PITPNM3: variants seen among roughly 807,000 people sequenced by gnomAD.
The protein encoded by PITPNM3 is membrane-associated phosphatidylinositol transfer protein 3.
PITPNM3 carries 26 observed loss-of-function variants against 102.0 expected under a neutral mutation model. That is an observed-to-expected ratio of 0.25 (90% CI 0.19 to 0.35). PITPNM3 has a LOEUF of 0.35. Among genes scored for constraint, PITPNM3 ranks in the 10% least tolerant of loss-of-function variants. PITPNM3 has a pLI of 1.00. For missense variants in PITPNM3, 1,083 were observed against 1,346.1 expected, an observed-to-expected ratio of 0.80 and a Z score of 3.06; for synonymous variants, 578 against 558.6, an observed-to-expected ratio of 1.03 and a Z score of -0.49.
In PITPNM3 at chr17:6,470,239, C is replaced by T; in HGVS notation, c.1773+21G>A. 2 of 1,583,944 alleles carry T rather than the reference C, an allele frequency of 1.3e-6. No homozygotes were observed. The highest frequency in any genetic ancestry group is 1.3e-5 in the African/African-American group (1 of 74,584). On this transcript the variant is annotated intron_variant, in intron 13 of 19. Transcript: ENST00000262483. The surrounding 1 kb of genome is among the most constrained non-coding windows in gnomAD (Gnocchi z 4.8). ...CCCCTTGGGGTGGCTGTGGGCAGGC[C>T]CGCGACTGCGGCAGCAGTACCTGTC...
At chr17:6,476,808 CA>C (rs1371816457) in intron 9 of PITPNM3, among the ~76,000 whole-genome samples, 2 of 152,246 alleles carry the variant, frequency 1.3e-5, no homozygotes, top group Non-Finnish European at 2.9e-5. Flanking sequence ...CAAGTCAGAG[CA>C]GGGCAGGGAC....
At chr17:6,484,180 GAGTT>G in intron 5 of PITPNM3, 32 bp downstream of exon 5, 5 of 1,546,560 alleles carry the variant, frequency 3.2e-6, no homozygotes, top group Non-Finnish European at 4.5e-6. Context: ...CCTGGCCTCT[GAGTT>G]GAGCCCAGAC....
At position 6,451,872 on chromosome 17, in the gene PITPNM3, A is replaced by AACCCC. The variant is rs1567654106; in HGVS notation, c.*3461_*3465dup. The AACCCC allele has an allele frequency of 3.2e-5, 2 of 62,184 alleles. No homozygotes were observed. Among genetic ancestry groups the AACCCC allele is most frequent in the African/African-American group, 1.3e-4 (2 of 15,484 alleles). 3.9% of individuals were successfully genotyped at this position (62,184 alleles called of 1,614,324 possible). On this transcript the variant is annotated 3_prime_UTR_variant, in exon 20 of 20. Coordinates refer to ENST00000262483, the MANE Select transcript of PITPNM3 (RefSeq NM_031220.4). ...AGGTTTCCAGGGCACTTGGCACCCA[A>AACCCC]ACCCCCCCCCCCCGCCCGCCGATGG...
intron 3 of PITPNM3, among the ~76,000 whole-genome samples, chr17:6,523,872 G>A (rs1349865647): frequency 6.6e-6 from 1 of 152,202 alleles, no homozygotes; most frequent in African/African-American, 2.4e-5. Flanking sequence ...GGTTCCTTGA[G>A]CCTGACTTTG....
At chr17:6,505,188 CAAATA>C (rs1008392443) in intron 3 of PITPNM3, among the ~76,000 whole-genome samples, 12 of 85,308 alleles carry the variant, frequency 1.4e-4, no homozygotes, top group African/African-American at 5.1e-4. Flanking sequence ...AAAAAGAAGA[CAAATA>C]AAATATATAT....
chr17:6,527,840 T>C (rs1908919489), intron 2 of PITPNM3, among the ~76,000 whole-genome samples: 1 of 152,224 alleles, frequency 6.6e-6, no homozygotes, highest in Non-Finnish European at 1.5e-5. Context: ...CAGCACATCC[T>C]AGCTTTCTTC....
chr17:6,510,074 C>T (rs1333584832), intron 3 of PITPNM3, among the ~76,000 whole-genome samples: 3 of 152,048 alleles, frequency 2.0e-5, no homozygotes, highest in Non-Finnish European at 2.9e-5. Context: ...TTTTATTCTA[C>T]GTCTTTCCCA....
At position 6,478,862 on chromosome 17, in the gene PITPNM3, AC is replaced by A; in HGVS notation, c.588-127del. On this transcript the variant is annotated intron_variant, in intron 6 of 19. Coordinates refer to ENST00000262483, the MANE Select transcript of PITPNM3 (RefSeq NM_031220.4). The surrounding 1 kb of genome is among the most constrained non-coding windows in gnomAD (Gnocchi z 4.4). Reference sequence around the variant, plus strand: ...TGGGCTCCAGGGACCCTTCAGGAAGACCCAGGCAGGAGCCTGGTGACACAGA... The same window carrying A: ...TGGGCTCCAGGGACCCTTCAGGAAGACCAGGCAGGAGCCTGGTGACACAGA... 2 of 950,626 alleles carry A rather than the reference AC, an allele frequency of 2.1e-6. No homozygotes were observed. The highest frequency in any genetic ancestry group is 3.1e-6 in the Non-Finnish European group (2 of 650,528). The allele number at this position is 950,626 out of a possible 1,614,324, so 58.9% of individuals were successfully genotyped here. A position where few individuals can be genotyped will look rare whatever the true frequency, so the allele number is the denominator to read the frequency against.
chr17:6,497,464 A>C (rs1398927558), intron 4 of PITPNM3, among the ~76,000 whole-genome samples: 1 of 152,144 alleles, frequency 6.6e-6, no homozygotes, highest in Non-Finnish European at 1.5e-5. Context: ...GCTGGGGATA[A>C]ATTGGGGCTC....
In PITPNM3 at chr17:6,471,095, G is replaced by A. The variant is rs898126609; in HGVS notation, c.1624+66C>T. On this transcript the variant is annotated intron_variant, in intron 12 of 19. Coordinates refer to ENST00000262483, the MANE Select transcript of PITPNM3 (RefSeq NM_031220.4). ...CCTCAGCAGCTCTAGCAGTGGCCCA[G>A]CAAACACCCAGAGGAAGGTTCCCCT... The A allele has an allele frequency of 3.2e-6, 5 of 1,577,882 alleles. No homozygotes were observed. In the African/African-American group the frequency reaches 6.7e-5, roughly 21 times the overall value.
intron 1 of PITPNM3, among the ~76,000 whole-genome samples, chr17:6,554,184 G>A (rs1910469084): frequency 6.6e-6 from 1 of 151,924 alleles, no homozygotes; most frequent in African/African-American, 2.4e-5. Context: ...GCTGGATGTG[G>A]TGGTATGTAT....
intron 3 of PITPNM3, chr17:6,521,120 C>T (rs903576815): frequency 6.6e-6 from 1 of 152,192 alleles, no homozygotes; most frequent in African/African-American, 2.4e-5. Context: ...ACTTAAGAAC[C>T]GTTAAAATGG....
At chr17:6,480,156 G>C (rs1231756106) in intron 6 of PITPNM3, 1 of 152,228 alleles carries the variant, frequency 6.6e-6, no homozygotes, top group Non-Finnish European at 1.5e-5. Context: ...GGGAGGCCTG[G>C]ACATCTCGCA....
At chr17:6,499,452 G>C (rs1023291432) in intron 4 of PITPNM3, among the ~76,000 whole-genome samples, 3 of 152,146 alleles carry the variant, frequency 2.0e-5, no homozygotes, top group Non-Finnish European at 2.9e-5. Context: ...CAACTCTTGG[G>C]GAAACACTGC....
rs141528093 is a variant in PITPNM3, at chr17:6,469,880, C to A, written c.1773+380G>T. On this transcript the variant is annotated intron_variant, in intron 13 of 19. Transcript: ENST00000262483. This position sits in a 1 kb window ranked among gnomAD's most constrained non-coding sequence, Gnocchi z 4.0. ...CTACCAGCTCCCCAGACTCCCTCCCCACCAGGCTCTCCTTCTGGCGCCGGC... is the reference window on the plus strand; with the variant it reads ...CTACCAGCTCCCCAGACTCCCTCCCAACCAGGCTCTCCTTCTGGCGCCGGC... Among the ~76,000 whole-genome samples, 697 of 152,336 alleles carry A rather than the reference C, an allele frequency of 4.6e-3. 9 individuals carry two copies. Among genetic ancestry groups the A allele is most frequent in the African/African-American group, 0.016 (674 of 41,568 alleles).
rs1300400900 is a variant in PITPNM3, at chr17:6,472,529, G to A, written c.1429+128C>T. The A allele has an allele frequency of 3.2e-5, 41 of 1,294,388 alleles. No individual in the cohort carries two copies. Among genetic ancestry groups the A allele is most frequent in the Middle Eastern group, 5.2e-4 (2 of 3,830 alleles). 80.2% of individuals were successfully genotyped at this position (1,294,388 alleles called of 1,614,324 possible). ...GGGCGACTCTGAAGACAGAGGAGTC[G>A]GCTAACCTTCTGTTCTCACAGCCCC... On this transcript the variant is annotated intron_variant, in intron 11 of 19. Transcript: ENST00000262483. This position sits in a 1 kb window ranked among gnomAD's most constrained non-coding sequence, Gnocchi z 4.1.
rs1597402746 is a variant in PITPNM3 at position 6,525,380 on chromosome 17, T to C, written c.202A>G (p.Met68Val). 1 of 1,614,138 alleles carries C rather than the reference T, an allele frequency of 6.2e-7. No homozygotes were observed. The highest frequency in any genetic ancestry group is 8.5e-7 in the Non-Finnish European group (1 of 1,180,000). The change falls in exon 3 of 20, where the codon ATG becomes GTG. Residue 68 changes from methionine to valine, a missense_variant. Physicochemically the swap from Met to Val is conservative, Grantham distance 21. Around this residue, in one of 5 missense-constraint regions of PITPNM3, gnomAD observed 290 missense variants for 337.8 expected, o/e 0.86. Transcript: ENST00000262483. ...CCTTGATGCTCGTCCAGTTTCCCCA[T>C]GGTCTCGATCTGCTCCACGAGGTCA... ...SNDLVEQIETMGKLDEHQGEG... is the reference protein window; with the variant it reads ...SNDLVEQIETVGKLDEHQGEG...
At chr17:6,483,860 C>T in intron 5 of PITPNM3, 108 bp from the exon 6 acceptor site, 1 of 976,102 alleles carries the variant, frequency 1.0e-6, no homozygotes, top group Non-Finnish European at 1.6e-6. Flanking sequence ...CACACACACG[C>T]ACACACGGGG....
chr17:6,527,117 C>G (rs1225033416), intron 2 of PITPNM3, among the ~76,000 whole-genome samples: 1 of 152,220 alleles, frequency 6.6e-6, no homozygotes, highest in Non-Finnish European at 1.5e-5. Flanking sequence ...ACAATAACGA[C>G]TCAGGGTCTA....
Sources: allele counts gnomAD v4.1 joint callset (sites outside exome capture counted in the v4.1 genomes callset), GRCh38; gene constraint gnomAD v4.1.1; regional missense constraint gnomAD v4.1.1; non-coding constraint Gnocchi (gnomAD v3.1); transcripts MANE v1.5; gene names NCBI Gene and HGNC (gene_info 2026-07-23, HGNC 2026-07-21).